NAALADL2: variants seen among roughly 807,000 people sequenced by gnomAD.
The protein encoded by NAALADL2 is N-acetylated alpha-linked acidic dipeptidase like 2, also known as inactive N-acetylated-alpha-linked acidic dipeptidase-like protein 2.
In NAALADL2, 76 loss-of-function variants were observed where a neutral mutation model predicts 87.2. That is an observed-to-expected ratio of 0.87 (90% CI 0.72 to 1.05). The LOEUF (loss-of-function observed/expected upper bound fraction) is 1.05. NAALADL2 is among the 50% of genes least tolerant of loss of function. NAALADL2 has a pLI of 0.00. For synonymous variants in NAALADL2, 354 were observed against 331.0 expected, an observed-to-expected ratio of 1.07 and a Z score of -0.75; for missense variants, 1,089 against 945.8, an observed-to-expected ratio of 1.15 and a Z score of -1.99.
At chr3:175,643,649 T>G (rs1482186615) in intron 11 of NAALADL2, among the ~76,000 whole-genome samples, 1 of 152,100 alleles carries the variant, frequency 6.6e-6, no homozygotes, top group East Asian at 1.9e-4. Flanking sequence ...TGAGAAAAAA[T>G]CATTACAATC....
intron 2 of NAALADL2, among the ~76,000 whole-genome samples, chr3:175,164,110 G>C (rs1733632083): frequency 6.6e-6 from 1 of 151,916 alleles, no homozygotes; most frequent in Non-Finnish European, 1.5e-5. Flanking sequence ...CTAATAATAA[G>C]TTCAATTCCA....
At chr3:174,777,448 A>G (rs1273201847) in intron 3 of NAALADL2, among the ~76,000 whole-genome samples, 1 of 152,132 alleles carries the variant, frequency 6.6e-6, no homozygotes, top group Non-Finnish European at 1.5e-5. Context: ...TGGTTTTAAG[A>G]TACTTTTGAA....
Position 175,803,362 on chromosome 3 carries a change from G to C in NAALADL2, c.*159G>C, listed in dbSNP as rs1016277719. ...TATTTTTTAAATGTAAATATAGAAAGAACATTTTGCACATTTAATATTTTT... is the reference window on the plus strand; with the variant it reads ...TATTTTTTAAATGTAAATATAGAAACAACATTTTGCACATTTAATATTTTT... On this transcript the variant is annotated 3_prime_UTR_variant, in exon 14 of 14. Transcript: ENST00000454872. 1.3e-5 allele frequency: 6 copies of C among 445,120 alleles called. No individual in the cohort carries two copies. Among genetic ancestry groups the C allele is most frequent in the Non-Finnish European group, 2.3e-5 (6 of 255,412 alleles). 27.6% of individuals were successfully genotyped at this position (445,120 alleles called of 1,614,324 possible).
intron 2 of NAALADL2, among the ~76,000 whole-genome samples, chr3:175,111,890 T>C (rs1490922001): frequency 6.6e-6 from 1 of 151,572 alleles, no homozygotes; most frequent in East Asian, 1.9e-4. Flanking sequence ...CACAACCAAT[T>C]TGGAAACAGA....
At chr3:175,740,184 A>C (rs1201204041) in intron 12 of NAALADL2, among the ~76,000 whole-genome samples, 1 of 152,232 alleles carries the variant, frequency 6.6e-6, no homozygotes, top group African/African-American at 2.4e-5. Context: ...TATTTCAAAG[A>C]AGAGGAAGTA....
chr3:174,764,410 G>A (rs1251306732), intron 3 of NAALADL2, among the ~76,000 whole-genome samples: 1 of 152,160 alleles, frequency 6.6e-6, no homozygotes, highest in African/African-American at 2.4e-5. Context: ...AAGAGATTGA[G>A]GCCATCCTGG....
chr3:175,290,373 T>C (rs1477685128), intron 4 of NAALADL2, among the ~76,000 whole-genome samples: 3 of 152,226 alleles, frequency 2.0e-5, no homozygotes, highest in African/African-American at 7.2e-5. Context: ...ATTCCATTTA[T>C]ATGAAAATTT....
chr3:175,337,524 C>G (rs1183794454), intron 5 of NAALADL2, among the ~76,000 whole-genome samples: 1 of 151,960 alleles, frequency 6.6e-6, no homozygotes, highest in Non-Finnish European at 1.5e-5. Flanking sequence ...CTTGGGGGGG[C>G]CATGTGAAGC....
At chr3:175,226,087 C>T (rs1744114301) in intron 2 of NAALADL2, among the ~76,000 whole-genome samples, 1 of 151,996 alleles carries the variant, frequency 6.6e-6, no homozygotes. Context: ...AGCTTTTTGC[C>T]TGGGACTTAA....
At chr3:174,725,485 A>G (rs1732094927) in intron 2 of NAALADL2, among the ~76,000 whole-genome samples, 1 of 152,168 alleles carries the variant, frequency 6.6e-6, no homozygotes, top group African/African-American at 2.4e-5. Context: ...TCCAAGGGTA[A>G]TGACGTAATT....
intron 11 of NAALADL2, among the ~76,000 whole-genome samples, chr3:175,686,670 T>C (rs1736342100): frequency 6.6e-6 from 1 of 152,170 alleles, no homozygotes; most frequent in Non-Finnish European, 1.5e-5. Flanking sequence ...CATTATTAGC[T>C]TTAGATTATT....
intron 6 of NAALADL2, among the ~76,000 whole-genome samples, chr3:175,458,390 C>T (rs948303403): frequency 1.1e-4 from 16 of 150,832 alleles, no homozygotes; most frequent in African/African-American, 3.2e-4. Context: ...TATACACACA[C>T]ATACACACGG....
intron 2 of NAALADL2, among the ~76,000 whole-genome samples, chr3:174,632,527 G>C (rs1053771081): frequency 5.3e-5 from 8 of 152,220 alleles, no homozygotes; most frequent in Non-Finnish European, 7.4e-5. Context: ...TAAGTATGTT[G>C]ATAAGGAAAA....
chr3:175,191,003 A>G (rs1244408480), intron 2 of NAALADL2, among the ~76,000 whole-genome samples: 5 of 151,520 alleles, frequency 3.3e-5, no homozygotes, highest in East Asian at 3.9e-4. Context: ...AAAAAAGAAA[A>G]AGAAAAGTAA....
chr3:174,950,562 AC>A (rs1303700664), intron 1 of NAALADL2, among the ~76,000 whole-genome samples: 10 of 152,132 alleles, frequency 6.6e-5, no homozygotes, highest in Admixed American at 1.3e-4. Context: ...GGGCTTTGAT[AC>A]TTTTGAAATG....
At position 174,902,443 on chromosome 3, in the gene NAALADL2, G is replaced by A. The variant is rs115910151; in HGVS notation, c.43+42993G>A. Among the ~76,000 whole-genome samples, 281 of 152,118 alleles carry A rather than the reference G, an allele frequency of 1.8e-3. 1 individual carries two copies. Among genetic ancestry groups the A allele is most frequent in the Non-Finnish European group, 3.8e-3 (255 of 67,984 alleles). On this transcript the variant is annotated intron_variant, in intron 1 of 13. Transcript: ENST00000454872. ...ATGTAATTATTACATAAAAGAAAGG[G>A]GGGTGGGGTTTAACTAAAATAAGTT...
intron 11 of NAALADL2, among the ~76,000 whole-genome samples, chr3:175,696,288 T>G (rs187949448): frequency 6.6e-6 from 1 of 152,180 alleles, no homozygotes; most frequent in Admixed American, 6.6e-5. Context: ...TTAGTAACCA[T>G]GAAGAAAGAT....
At chr3:175,224,821 G>A (rs1743926007) in intron 2 of NAALADL2, among the ~76,000 whole-genome samples, 1 of 151,994 alleles carries the variant, frequency 6.6e-6, no homozygotes, top group Non-Finnish European at 1.5e-5. Context: ...TTCAAAACAC[G>A]TTTTATCTCT....
intron 2 of NAALADL2, among the ~76,000 whole-genome samples, chr3:174,658,439 G>T (rs555849883): frequency 6.6e-6 from 1 of 152,160 alleles, no homozygotes; most frequent in East Asian, 1.9e-4. Flanking sequence ...GTCTATTAAG[G>T]TTTTTGGCTT....
Sources: gnomAD v4.1 joint callset for allele counts (sites outside exome capture counted in the v4.1 genomes callset) on GRCh38, gnomAD v4.1.1 for gene constraint, MANE v1.5 for transcripts, NCBI Gene and HGNC (gene_info 2026-07-23, HGNC 2026-07-21) for gene names.